GPC1: variants seen among roughly 807,000 people sequenced by gnomAD.
GPC1 encodes the protein glypican-1.
A neutral mutation model predicts 51.5 loss-of-function variants in GPC1; 26 were observed. That is an observed-to-expected ratio of 0.50 (90% CI 0.37 to 0.70). GPC1 has a LOEUF of 0.70. GPC1 is among the 30% of genes least tolerant of loss of function. The pLI, the probability that GPC1 is intolerant of heterozygous loss-of-function variation, is 0.00. For synonymous variants in GPC1, 380 were observed against 348.3 expected (o/e 1.09, Z -1.01); for missense variants, 775 against 800.5 (o/e 0.97, Z 0.38).
chr2:240,452,797 C>A (rs1229484774), intron 1 of GPC1: 1 of 148,910 alleles, frequency 6.7e-6, no homozygotes, highest in Admixed American at 6.7e-5. Flanking sequence ...CGGGAGCCAC[C>A]GCCCTCGGCC....
intron 1 of GPC1, 88 bp downstream of exon 1, chr2:240,436,172 G>A: frequency 1.0e-6 from 1 of 961,338 alleles, no homozygotes; most frequent in Non-Finnish European, 1.3e-6. Context: ...ACTCGCCCCC[G>A]GCGCGGGATC....
Position 240,464,665 on chromosome 2 carries a change from G to C in GPC1, c.933G>C (p.Glu311Asp), listed in dbSNP as rs2074245135. The part of the protein sequence containing the change: ...TDKFWGTSGV[E>D]SVIGSVHTWL... ...AGTTCTGGGGTACATCGGGTGTGGAGAGTGTCATCGGCAGCGTGCACACGT... is the reference window on the plus strand; with the variant it reads ...AGTTCTGGGGTACATCGGGTGTGGACAGTGTCATCGGCAGCGTGCACACGT... The change falls in exon 5 of 9, where the codon GAG (glutamate) becomes GAC (aspartate). Residue 311 changes from glutamate (E) to aspartate (D), a missense_variant. Physicochemically the swap from Glu to Asp is conservative, Grantham distance 45. Transcript: ENST00000264039. The C allele has an allele frequency of 6.2e-7, 1 of 1,613,150 alleles. No individual in the cohort carries two copies. The highest frequency in any genetic ancestry group is 1.3e-5 in the African/African-American group (1 of 74,910).
At chr2:240,437,517 C>A (rs2073991739) in intron 1 of GPC1, among the ~76,000 whole-genome samples, 1 of 152,146 alleles carries the variant, frequency 6.6e-6, no homozygotes, top group African/African-American at 2.4e-5. Flanking sequence ...TCCTGTGCCT[C>A]TGCAGAGGCA....
intron 1 of GPC1, among the ~76,000 whole-genome samples, chr2:240,449,157 C>T (rs76973681): frequency 0.028 from 4,295 of 152,270 alleles, 192 homozygotes; most frequent in East Asian, 0.16. Flanking sequence ...GGGGACAGTT[C>T]AGAGTTGAAA....
At chr2:240,437,443 C>G (rs528722558) in intron 1 of GPC1, among the ~76,000 whole-genome samples, 1 of 152,108 alleles carries the variant, frequency 6.6e-6, no homozygotes, top group Non-Finnish European at 1.5e-5. Flanking sequence ...GCGGATCTCC[C>G]GATGCCCTCC....
chr2:240,458,585 G>A (rs1481424985), intron 1 of GPC1: 1 of 173,574 alleles, frequency 5.8e-6, no homozygotes, highest in Non-Finnish European at 1.2e-5. Flanking sequence ...GTGGGAGCTT[G>A]GTGCCCCCCA....
In GPC1 at chr2:240,466,030, G is replaced by A. The variant is rs377413264; in HGVS notation, c.1445-28G>A. ...GCACTGGGGTCTCCTGTGGGGACCTGCCTGCCGGAGCCTCCTCTCCTTCCC... is the reference window on the plus strand; with the variant it reads ...GCACTGGGGTCTCCTGTGGGGACCTACCTGCCGGAGCCTCCTCTCCTTCCC... On this transcript the variant is annotated intron_variant, in intron 8 of 8. Coordinates refer to ENST00000264039, the MANE Select transcript of GPC1 (RefSeq NM_002081.3). 5 of 1,490,966 alleles carry A rather than the reference G, an allele frequency of 3.4e-6. No homozygotes were observed. In the African/African-American group the frequency reaches 6.9e-5, roughly 21 times the overall value. 92.4% of individuals were successfully genotyped at this position (1,490,966 alleles called of 1,614,324 possible). A position where few individuals can be genotyped will look rare whatever the true frequency, so the allele number is the denominator to read the frequency against.
intron 1 of GPC1, among the ~76,000 whole-genome samples, chr2:240,436,963 G>T (rs1292678954): frequency 6.6e-6 from 1 of 152,250 alleles, no homozygotes; most frequent in African/African-American, 2.4e-5. Flanking sequence ...GTGTACGGGT[G>T]GGTGGAACGG....
intron 1 of GPC1, among the ~76,000 whole-genome samples, chr2:240,446,418 T>G (rs1409951325): frequency 6.6e-6 from 1 of 152,254 alleles, no homozygotes; most frequent in African/African-American, 2.4e-5. Context: ...CCACACAAGC[T>G]GTGCCTGTGC....
chr2:240,458,982 C>T, intron 1 of GPC1, 48 bp from the exon 2 acceptor site: 1 of 1,580,186 alleles, frequency 6.3e-7, no homozygotes, highest in East Asian at 2.3e-5. Context: ...CCTCCTGGCT[C>T]CCAGTGCTGT....
At chr2:240,439,647 C>T (rs2074005442) in intron 1 of GPC1, among the ~76,000 whole-genome samples, 1 of 152,248 alleles carries the variant, frequency 6.6e-6, no homozygotes, top group Admixed American at 6.5e-5. Flanking sequence ...CTCCTTCCCA[C>T]ATCCCTGAAA....
intron 1 of GPC1, among the ~76,000 whole-genome samples, chr2:240,437,803 C>G (rs971526490): frequency 3.9e-5 from 6 of 152,256 alleles, no homozygotes; most frequent in African/African-American, 9.6e-5. Flanking sequence ...CTTAGCACCT[C>G]CATGTCCTCT....
Position 240,466,328 on chromosome 2 carries a change from CTT to C in GPC1, c.*40_*41del, listed in dbSNP as rs1559204719. The C allele has an allele frequency of 2.5e-6, 3 of 1,179,228 alleles. No homozygotes were observed. In the Admixed American group the frequency reaches 5.3e-5, roughly 21 times the overall value. 73.0% of individuals were successfully genotyped at this position (1,179,228 alleles called of 1,614,324 possible). On this transcript the variant is annotated 3_prime_UTR_variant, in exon 9 of 9. Coordinates refer to ENST00000264039, the MANE Select transcript of GPC1 (RefSeq NM_002081.3). ...CCCAGGGACAGAGGCCAAGGACTGA[CTT>C]TGCCAAAAATACAACACAGACGATA...
At chr2:240,445,442 A>C (rs1347942117) in intron 1 of GPC1, among the ~76,000 whole-genome samples, 1 of 152,216 alleles carries the variant, frequency 6.6e-6, no homozygotes, top group African/African-American at 2.4e-5. Context: ...CACAAACGCC[A>C]GTAGCACCCC....
chr2:240,459,279 A>ATCCCCCACCCTTGGCATT, intron 2 of GPC1, 91 bp downstream of exon 2: 3 of 1,232,966 alleles, frequency 2.4e-6, no homozygotes, highest in Non-Finnish European at 3.4e-6. Flanking sequence ...GTCAATGCCA[A>ATCCCCCACCCTTGGCATT]GGGTGGGGGA....
intron 1 of GPC1, chr2:240,454,692 C>T (rs945661243): frequency 1.3e-5 from 2 of 152,872 alleles, no homozygotes; most frequent in African/African-American, 4.8e-5. Flanking sequence ...TCTGTTGACA[C>T]TGAGTGTCTA....
At chr2:240,438,023 G>C (rs1196088245) in intron 1 of GPC1, among the ~76,000 whole-genome samples, 1 of 152,234 alleles carries the variant, frequency 6.6e-6, no homozygotes, top group Non-Finnish European at 1.5e-5. Flanking sequence ...AGGGACCCAG[G>C]ACAGGCAGAT....
intron 2 of GPC1, among the ~76,000 whole-genome samples, chr2:240,460,993 C>G (rs1298665242): frequency 2.0e-5 from 3 of 152,222 alleles, no homozygotes; most frequent in Admixed American, 1.3e-4. Context: ...GTCCGCCCCC[C>G]CACCAGCCTT....
At chr2:240,463,227 G>T in intron 3 of GPC1, 120 bp from the exon 4 acceptor site, 1 of 801,316 alleles carries the variant, frequency 1.2e-6, no homozygotes, top group South Asian at 1.7e-5. Context: ...AGCTGGGGCA[G>T]AGCAGAGGCC....
Sources: gnomAD v4.1 joint callset for allele counts (sites outside exome capture counted in the v4.1 genomes callset) on GRCh38, gnomAD v4.1.1 for gene constraint, MANE v1.5 for transcripts, NCBI Gene and HGNC (gene_info 2026-07-23, HGNC 2026-07-21) for gene names.